ANKRD44: variants seen among roughly 807,000 people sequenced by gnomAD.
ANKRD44 encodes serine/threonine-protein phosphatase 6 regulatory ankyrin repeat subunit B.
Under a neutral mutation model 116.0 loss-of-function variants are expected in ANKRD44, and 35 were observed. The observed-to-expected ratio is 0.30, with a 90% CI of 0.23 to 0.40. The LOEUF is 0.40. Ranked by LOEUF, ANKRD44 falls within the 10% of genes least tolerant of loss-of-function variation. The pLI is 1.00. For missense variants in ANKRD44, 1,014 were observed against 1,242.6 expected (o/e 0.82, Z 2.77); for synonymous variants, 435 against 461.8 (o/e 0.94, Z 0.74).
At position 197,099,833 on chromosome 2, in the gene ANKRD44, G is replaced by A. The variant is rs926880072; in HGVS notation, c.1083C>T (p.Ser361=). ...TAACCTACTTGGCTGTGTCAGCTCC[G>A]CTGGTTATTAAGGTGTTAATCAAAA... ...HELLINTLIT[S]GADTAKCGIH... The change falls in exon 10 of 28, where the codon AGC becomes AGT. Residue 361 remains serine, a synonymous_variant. Coordinates refer to ENST00000282272, the MANE Select transcript of ANKRD44 (RefSeq NM_001195144.2). 3.1e-5 allele frequency: 50 copies of A among 1,613,898 alleles called. No individual in the cohort carries two copies. The highest frequency in any genetic ancestry group is 3.9e-5 in the Non-Finnish European group (46 of 1,179,998).
At chr2:197,233,267 A>G (rs1574326026) in intron 1 of ANKRD44, among the ~76,000 whole-genome samples, 1 of 152,292 alleles carries the variant, frequency 6.6e-6, no homozygotes, top group African/African-American at 2.4e-5. Context: ...ATCACTCTTA[A>G]AAGGATTCAA....
chr2:197,276,780 T>A (rs974288247), intron 1 of ANKRD44, among the ~76,000 whole-genome samples: 1 of 152,134 alleles, frequency 6.6e-6, no homozygotes, highest in African/African-American at 2.4e-5. Flanking sequence ...TTGATAAGGT[T>A]GGAAACCACT....
chr2:197,253,824 C>T (rs183908475), intron 1 of ANKRD44, among the ~76,000 whole-genome samples: 3 of 152,256 alleles, frequency 2.0e-5, no homozygotes, highest in South Asian at 2.1e-4. Flanking sequence ...TACAGACAGG[C>T]GACTCTATGT....
intron 1 of ANKRD44, among the ~76,000 whole-genome samples, chr2:197,295,029 G>A (rs2083677698): frequency 2.0e-5 from 3 of 152,056 alleles, no homozygotes. Context: ...TGATTCCTAG[G>A]CAGAGGGAAA....
At chr2:196,975,552 G>C (rs907061783) in intron 21 of ANKRD44, among the ~76,000 whole-genome samples, 8 of 151,750 alleles carry the variant, frequency 5.3e-5, no homozygotes, top group Non-Finnish European at 1.2e-4. Flanking sequence ...GGGAGGCCGA[G>C]GTAGGTGGAT....
chr2:197,172,870 G>C (rs10199453), intron 2 of ANKRD44, among the ~76,000 whole-genome samples: 11,929 of 152,086 alleles, frequency 0.078, 1,119 homozygotes, highest in African/African-American at 0.23. Context: ...CTGACCAACT[G>C]TCCTATTCAT....
intron 17 of ANKRD44, chr2:197,015,307 T>C: frequency 2.3e-6 from 1 of 443,076 alleles, no homozygotes; most frequent in Non-Finnish European, 4.2e-6. Flanking sequence ...GAATAGAATT[T>C]GAGAGACCAT....
chr2:197,136,906 T>C (rs1219409119), intron 3 of ANKRD44, among the ~76,000 whole-genome samples: 2 of 152,182 alleles, frequency 1.3e-5, no homozygotes, highest in Non-Finnish European at 2.9e-5. Context: ...CATGAGGCTT[T>C]TGGATAGATA....
chr2:197,034,688 A>G (rs2124915155), intron 16 of ANKRD44, among the ~76,000 whole-genome samples: 1 of 151,684 alleles, frequency 6.6e-6, no homozygotes, highest in South Asian at 2.1e-4. Flanking sequence ...GCACTGCTTG[A>G]CCCCACTTCT....
At chr2:197,060,769 T>C (rs1220108118) in intron 16 of ANKRD44, among the ~76,000 whole-genome samples, 2 of 152,206 alleles carry the variant, frequency 1.3e-5, no homozygotes, top group Non-Finnish European at 2.9e-5. Context: ...ACAGGTAAAG[T>C]CAGTTCATGC....
intron 8 of ANKRD44, among the ~76,000 whole-genome samples, chr2:197,120,911 T>C (rs1266877857): frequency 1.3e-5 from 2 of 150,796 alleles, no homozygotes; most frequent in African/African-American, 4.9e-5. Context: ...CCACCACTCC[T>C]GAAGAAAAAT....
At position 197,203,169 on chromosome 2, in the gene ANKRD44, T is replaced by C. The variant is rs1002024960; in HGVS notation, c.28-16063A>G. On this transcript the variant is annotated intron_variant, in intron 1 of 27. Transcript: ENST00000282272. This position sits in a 1 kb window ranked among gnomAD's most constrained non-coding sequence, Gnocchi z 4.1. ...GCTGTCCTATAGAAATAATGAGATA[T>C]ACAGACAATTTTTGTATAAAGATGT... Among the ~76,000 whole-genome samples the C allele has an allele frequency of 3.9e-5, 6 of 152,128 alleles. No homozygotes were observed. The highest frequency in any genetic ancestry group is 2.1e-4 in the South Asian group (1 of 4,832).
At chr2:197,008,881 A>C in intron 19 of ANKRD44, 63 bp downstream of exon 19, 1 of 1,478,902 alleles carries the variant, frequency 6.8e-7, no homozygotes, top group Non-Finnish European at 9.4e-7. Flanking sequence ...ATGATTTAAG[A>C]AACCAACCAG....
At chr2:197,296,909 G>T (rs903924997) in intron 1 of ANKRD44, among the ~76,000 whole-genome samples, 1 of 152,096 alleles carries the variant, frequency 6.6e-6, no homozygotes, top group Non-Finnish European at 1.5e-5. Context: ...AAATTAATTC[G>T]AGACTTGAAA....
chr2:197,252,463 G>A (rs2105669835), intron 1 of ANKRD44, among the ~76,000 whole-genome samples: 1 of 152,042 alleles, frequency 6.6e-6, no homozygotes, highest in African/African-American at 2.4e-5. Context: ...CTGGAGCGCA[G>A]TAGCGCGATC....
chr2:197,037,567 C>A lies in ANKRD44; in HGVS notation c.1651-12300G>T, dbSNP rs539652402. ...TAATTATTGGATGATAACACATTTGCTTGCTTGCTTTGACACTGCAGAATT... is the reference window on the plus strand; with the variant it reads ...TAATTATTGGATGATAACACATTTGATTGCTTGCTTTGACACTGCAGAATT... On this transcript the variant is annotated intron_variant, in intron 16 of 27. Transcript: ENST00000282272. Among the ~76,000 whole-genome samples, 10 of 152,328 alleles carry A rather than the reference C, an allele frequency of 6.6e-5. No individual in the cohort carries two copies. In the East Asian group the frequency reaches 1.7e-3, roughly 26 times the overall value.
Position 197,047,497 on chromosome 2 carries a change from AG to A in ANKRD44, c.1651-22231del, listed in dbSNP as rs2077023670. On this transcript the variant is annotated intron_variant, in intron 16 of 27. Coordinates refer to ENST00000282272, the MANE Select transcript of ANKRD44 (RefSeq NM_001195144.2). ...ATAACCACTATAAATTAATGAAGAA[AG>A]AATTTATCATCTTGAAGGACTAGTG... Among the ~76,000 whole-genome samples, 3 of 152,346 alleles carry A rather than the reference AG, an allele frequency of 2.0e-5. No homozygotes were observed. The South Asian group carries it at 6.2e-4, about 32-fold the overall frequency.
intron 16 of ANKRD44, among the ~76,000 whole-genome samples, chr2:197,042,848 T>C (rs1244153894): frequency 2.0e-5 from 3 of 152,210 alleles, no homozygotes; most frequent in African/African-American, 7.2e-5. Flanking sequence ...AAGGCAAGAA[T>C]GAGGCATTTT....
intron 17 of ANKRD44, chr2:197,015,727 G>A (rs1318395257): frequency 9.2e-6 from 5 of 544,692 alleles, no homozygotes; most frequent in Admixed American, 2.6e-5. Flanking sequence ...TGGTGGTCCT[G>A]GTTCTAGTGG....
Sources: gnomAD v4.1 joint callset for allele counts (sites outside exome capture counted in the v4.1 genomes callset) on GRCh38, gnomAD v4.1.1 for gene constraint, Gnocchi (gnomAD v3.1) non-coding constraint, MANE v1.5 for transcripts, NCBI Gene and HGNC (gene_info 2026-07-23, HGNC 2026-07-21) for gene names.